Variants in TTC28 observed in about 807,000 individuals in gnomAD.
The protein encoded by TTC28 is tetratricopeptide repeat protein 28.
A neutral mutation model predicts 198.0 loss-of-function variants in TTC28; 61 were observed. The ratio of observed to expected loss-of-function variants is 0.31; its 90% CI spans 0.25 to 0.38. The LOEUF is 0.38. TTC28 is among the 10% of genes least tolerant of loss of function. The pLI is 1.00. For missense variants in TTC28, 2,678 were observed against 3,164.0 expected (o/e 0.85, Z 3.69); for synonymous variants, 1,171 against 1,297.8 (o/e 0.90, Z 2.10).
intron 5 of TTC28, among the ~76,000 whole-genome samples, chr22:28,191,433 A>T (rs1415647442): frequency 6.6e-6 from 1 of 152,242 alleles, no homozygotes; most frequent in African/African-American, 2.4e-5. Flanking sequence ...GGAGTGTCGG[A>T]CAGTGGGTGC....
intron 1 of TTC28, among the ~76,000 whole-genome samples, chr22:28,643,978 T>TGAGG (rs2051412422): frequency 6.6e-6 from 1 of 152,084 alleles, no homozygotes; most frequent in Non-Finnish European, 1.5e-5. Context: ...TATCAAAAGG[T>TGAGG]GAGGGTGTGA....
In TTC28 at chr22:28,677,175, A is replaced by AATAT. The variant is rs143954002; in HGVS notation, c.102+2443_102+2446dup. Among the ~76,000 whole-genome samples, 286 of 69,328 alleles carry AATAT rather than the reference A, an allele frequency of 4.1e-3. 6 individuals are homozygous for AATAT. Among genetic ancestry groups the AATAT allele is most frequent in the African/African-American group, 0.02 (272 of 13,484 alleles). 45.5% of individuals were successfully genotyped at this position (69,328 alleles called of 152,430 possible). A position where few individuals can be genotyped will look rare whatever the true frequency, so the allele number is the denominator to read the frequency against. On this transcript the variant is annotated intron_variant, in intron 1 of 22. Coordinates refer to ENST00000397906, the MANE Select transcript of TTC28 (RefSeq NM_001145418.2). ...CATCTCAGGAAAAAAAAAAAAAAAAAATATATATATATATATATATATATA... is the reference window on the plus strand; with the variant it reads ...CATCTCAGGAAAAAAAAAAAAAAAAAATATATATATATATATATATATATATATA...
chr22:28,557,042 T>A (rs1406262986), intron 2 of TTC28, among the ~76,000 whole-genome samples: 1 of 152,172 alleles, frequency 6.6e-6, no homozygotes, highest in African/African-American at 2.4e-5. Flanking sequence ...TTCAGCCCCA[T>A]TAAGTGTGAG....
At chr22:28,367,624 A>G (rs2145980168) in intron 2 of TTC28, among the ~76,000 whole-genome samples, 1 of 152,140 alleles carries the variant, frequency 6.6e-6, no homozygotes, top group Non-Finnish European at 1.5e-5. Flanking sequence ...AATCAATGAA[A>G]CAAAAAGTTG....
chr22:28,390,457 A>G (rs558247143), intron 2 of TTC28, among the ~76,000 whole-genome samples: 42 of 152,166 alleles, frequency 2.8e-4, no homozygotes, highest in African/African-American at 9.9e-4. Context: ...AAAGTCTCCC[A>G]TTATTAATGT....
chr22:28,487,841 C>G (rs1178463199), intron 2 of TTC28, among the ~76,000 whole-genome samples: 1 of 152,078 alleles, frequency 6.6e-6, no homozygotes, highest in Non-Finnish European at 1.5e-5. Context: ...GGCAAACATA[C>G]CTACCTTTTA....
intron 5 of TTC28, among the ~76,000 whole-genome samples, chr22:28,196,798 T>A (rs1486187797): frequency 6.6e-6 from 1 of 152,036 alleles, no homozygotes; most frequent in Non-Finnish European, 1.5e-5. Context: ...TGTGGAGAAA[T>A]AGGAACACTT....
chr22:28,624,715 C>A (rs1231043890), intron 2 of TTC28, among the ~76,000 whole-genome samples: 1 of 151,880 alleles, frequency 6.6e-6, no homozygotes. Context: ...AAAATACAGA[C>A]AGAATACTTT....
chr22:28,551,605 A>T (rs1047602053), intron 2 of TTC28, among the ~76,000 whole-genome samples: 4 of 152,216 alleles, frequency 2.6e-5, no homozygotes, highest in African/African-American at 9.6e-5. Context: ...TATACCACAT[A>T]AACAGAGTTG....
At chr22:28,235,258 G>A (rs1329405459) in intron 5 of TTC28, among the ~76,000 whole-genome samples, 3 of 152,158 alleles carry the variant, frequency 2.0e-5, no homozygotes, top group Non-Finnish European at 4.4e-5. Context: ...AGAGACCAGA[G>A]AAGAAAGTAA....
intron 6 of TTC28, among the ~76,000 whole-genome samples, chr22:28,156,422 T>A (rs918769752): frequency 1.3e-5 from 2 of 152,212 alleles, no homozygotes; most frequent in East Asian, 1.9e-4. Context: ...ACTGTCAATA[T>A]CTTGACTTTA....
In TTC28 at chr22:27,983,044, G is replaced by T. The variant is rs771812441; in HGVS notation, c.6623C>A (p.Ala2208Glu). The T allele has an allele frequency of 1.3e-6, 2 of 1,551,716 alleles. No individual in the cohort carries two copies. The highest frequency in any genetic ancestry group is 1.7e-6 in the Non-Finnish European group (2 of 1,146,988). The change falls in exon 23 of 23, where the codon GCG (alanine) becomes GAG (glutamate). Residue 2208 changes from alanine (A) to glutamate (E), a missense_variant. Ala to Glu is a moderately radical substitution (Grantham distance 107, BLOSUM62 -1). Coordinates refer to ENST00000397906, the MANE Select transcript of TTC28 (RefSeq NM_001145418.2). The part of the protein sequence containing the change: ...QAPSSTAVFR[A>E]SETSAFSRPV... The stretch of plus-strand genomic sequence containing the variant: ...CCTGCTGAACGCACTGGTTTCTGAC[G>T]CTCTGAAGACAGCAGTGCTGCTGGG...
At chr22:28,190,732 T>G (rs1337693615) in intron 5 of TTC28, among the ~76,000 whole-genome samples, 4 of 152,200 alleles carry the variant, frequency 2.6e-5, no homozygotes, top group Non-Finnish European at 4.4e-5. Context: ...AAAGATTATG[T>G]ATGCATTTTC....
chr22:28,116,462 T>C (rs1020016063), intron 6 of TTC28, among the ~76,000 whole-genome samples: 3 of 151,966 alleles, frequency 2.0e-5, no homozygotes, highest in African/African-American at 7.3e-5. Context: ...CTAAAGGCTA[T>C]GGCCGGGCCA....
At chr22:28,598,929 T>C (rs2050590841) in intron 2 of TTC28, among the ~76,000 whole-genome samples, 1 of 152,192 alleles carries the variant, frequency 6.6e-6, no homozygotes, top group Non-Finnish European at 1.5e-5. Context: ...AGTGATGTGG[T>C]AGATTACAAA....
intron 5 of TTC28, among the ~76,000 whole-genome samples, chr22:28,182,948 GATC>G (rs1923844854): frequency 1.3e-5 from 2 of 152,058 alleles, no homozygotes; most frequent in Non-Finnish European, 2.9e-5. Flanking sequence ...GTTGGACTAG[GATC>G]TACTTTTCTC....
At position 28,296,270 on chromosome 22, in the gene TTC28, T is replaced by C; in HGVS notation, c.861A>G (p.Lys287=). 1 of 1,551,188 alleles carries C rather than the reference T, an allele frequency of 6.4e-7. No individual in the cohort carries two copies. Among genetic ancestry groups the C allele is most frequent in the Non-Finnish European group, 8.7e-7 (1 of 1,146,734 alleles). The change falls in exon 5 of 23, where the codon AAA becomes AAG. Residue 287 remains lysine, a synonymous_variant. Transcript: ENST00000397906. ...TAGTGAGAGCCTCCCGGTAATTTCC[T>C]TTGGAGAAGAATGCAGAGCCCAGAT... The part of the protein sequence containing the change: ...HGNLGSAFFS[K]GNYREALTNH...
At chr22:28,634,583 C>CT (rs145807756) in intron 1 of TTC28, among the ~76,000 whole-genome samples, 5 of 141,230 alleles carry the variant, frequency 3.5e-5, no homozygotes, top group South Asian at 2.3e-4. Flanking sequence ...AAGTCCTTTT[C>CT]TTTTTTTTCT....
Position 27,982,178 on chromosome 22 carries a change from C to A in TTC28, c.*43G>T. On this transcript the variant is annotated 3_prime_UTR_variant, in exon 23 of 23. Coordinates refer to ENST00000397906, the MANE Select transcript of TTC28 (RefSeq NM_001145418.2). The surrounding 1 kb of genome is among the most constrained non-coding windows in gnomAD (Gnocchi z 5.2). ...GAAGGGCTGAAGCAAACGCCAGGCC[C>A]CCATCTGCAGGCTGCTCAGAGTCAG... 1 of 1,452,646 alleles carries A rather than the reference C, an allele frequency of 6.9e-7. No homozygotes were observed. The highest frequency in any genetic ancestry group is 9.1e-7 in the Non-Finnish European group (1 of 1,101,054). The allele number at this position is 1,452,646 out of a possible 1,614,324, so 90.0% of individuals were successfully genotyped here. A position where few individuals can be genotyped will look rare whatever the true frequency, so the allele number is the denominator to read the frequency against.
Sources: allele counts gnomAD v4.1 joint callset (sites outside exome capture counted in the v4.1 genomes callset), GRCh38; gene constraint gnomAD v4.1.1; non-coding constraint Gnocchi (gnomAD v3.1); transcripts MANE v1.5; gene names NCBI Gene and HGNC (gene_info 2026-07-23, HGNC 2026-07-21).